Variants in ZNF638 observed in about 807,000 individuals in gnomAD.
ZNF638 encodes CTCL tumor antigen se33-1.
A neutral mutation model predicts 195.6 loss-of-function variants in ZNF638; 46 were observed. The observed-to-expected ratio is 0.24, with a 90% CI of 0.19 to 0.30. The LOEUF is 0.30. Ranked by LOEUF, ZNF638 falls within the 10% of genes least tolerant of loss-of-function variation. ZNF638 has a pLI of 1.00. For synonymous variants in ZNF638, 845 were observed against 772.0 expected (o/e 1.09, Z -1.57); for missense variants, 2,440 against 2,325.3 (o/e 1.05, Z -1.01).
intron 2 of ZNF638, among the ~76,000 whole-genome samples, chr2:71,355,124 A>G (rs899763812): frequency 3.3e-5 from 5 of 152,010 alleles, no homozygotes; most frequent in African/African-American, 1.2e-4. Context: ...GCCCGCCACA[A>G]CGCCTGGCTA....
intron 1 of ZNF638, among the ~76,000 whole-genome samples, chr2:71,332,205 G>T (rs1176898984): frequency 2.0e-5 from 3 of 152,234 alleles, no homozygotes; most frequent in African/African-American, 7.2e-5. Flanking sequence ...GCCCTTTGGC[G>T]AGGCCGAGGC....
At chr2:71,378,267 A>G (rs778604751) in intron 8 of ZNF638, among the ~76,000 whole-genome samples, 3 of 152,242 alleles carry the variant, frequency 2.0e-5, no homozygotes, top group African/African-American at 7.2e-5. Flanking sequence ...TAAATGTTTC[A>G]ACTTATACAT....
At chr2:71,367,685 C>T (rs1203029029) in intron 6 of ZNF638, among the ~76,000 whole-genome samples, 1 of 151,496 alleles carries the variant, frequency 6.6e-6, no homozygotes, top group Non-Finnish European at 1.5e-5. Flanking sequence ...GTGATCTATC[C>T]ACCTTGGTCT....
Position 71,365,777 on chromosome 2 carries a change from T to G in ZNF638, c.1995+71T>G. ...TGTCATCCTCGCTGGACTGCAGTGG[T>G]GCAACAAGCATGGCTCACTGCAGCC... On this transcript the variant is annotated intron_variant, in intron 6 of 27. Coordinates refer to ENST00000264447, the MANE Select transcript of ZNF638 (RefSeq NM_014497.5). The G allele has an allele frequency of 1.1e-5, 15 of 1,400,766 alleles. No homozygotes were observed. The South Asian group carries it at 2.1e-4, about 19-fold the overall frequency. 86.8% of individuals were successfully genotyped at this position (1,400,766 alleles called of 1,614,324 possible).
rs914394631 is a variant in ZNF638 at position 71,409,308 on chromosome 2, AT to A, written c.3261+1063del. ...AAAATGAGTTAATAATCAACTCTATATTATCTTCTCTTCAACACTTACTGTT... is the reference window on the plus strand; with the variant it reads ...AAAATGAGTTAATAATCAACTCTATATATCTTCTCTTCAACACTTACTGTT... On this transcript the variant is annotated intron_variant, in intron 20 of 27. Transcript: ENST00000264447. Among the ~76,000 whole-genome samples, 21 of 152,280 alleles carry A rather than the reference AT, an allele frequency of 1.4e-4. No individual in the cohort carries two copies. The East Asian group carries it at 3.9e-3, about 28-fold the overall frequency.
intron 2 of ZNF638, among the ~76,000 whole-genome samples, chr2:71,351,817 C>T (rs1190350261): frequency 6.6e-6 from 1 of 152,080 alleles, no homozygotes. Flanking sequence ...ACATTTAAAA[C>T]AATTAGAAGA....
intron 20 of ZNF638, 106 bp downstream of exon 20, chr2:71,408,353 T>TGA: frequency 7.5e-7 from 1 of 1,341,456 alleles, no homozygotes; most frequent in Non-Finnish European, 9.9e-7. Context: ...AGATGATTTT[T>TGA]ATAATTTGTG....
At chr2:71,350,421 A>G (rs1411408325) in intron 2 of ZNF638, 150 bp downstream of exon 2, 2 of 835,958 alleles carry the variant, frequency 2.4e-6, no homozygotes, top group Admixed American at 5.0e-5. Context: ...TGTAATCTTA[A>G]GTAGCCCTGG....
In ZNF638 at chr2:71,400,385, C is replaced by T. The variant is rs374076787; in HGVS notation, c.2657-93C>T. The T allele has an allele frequency of 2.9e-5, 37 of 1,262,608 alleles. No individual in the cohort carries two copies. In the East Asian group the frequency reaches 4.5e-4, roughly 15 times the overall value. 78.2% of individuals were successfully genotyped at this position (1,262,608 alleles called of 1,614,324 possible). ...AATTCTCTAGACTTGTTGTATTACA[C>T]GTTTTCATGTAGCTACTGTTTAACC... On this transcript the variant is annotated intron_variant, in intron 14 of 27. Coordinates refer to ENST00000264447, the MANE Select transcript of ZNF638 (RefSeq NM_014497.5).
chr2:71,355,235 C>T (rs150257626), intron 2 of ZNF638, among the ~76,000 whole-genome samples: 4,197 of 152,216 alleles, frequency 0.028, 200 homozygotes, highest in African/African-American at 0.093. Flanking sequence ...GGATTACAGG[C>T]GTGAGCCACT....
chr2:71,405,733 A>G, intron 18 of ZNF638, 91 bp downstream of exon 18: 1 of 934,474 alleles, frequency 1.1e-6, no homozygotes, highest in Non-Finnish European at 1.6e-6. Flanking sequence ...AAAACCTTAG[A>G]ACTAATTTTA....
At chr2:71,352,629 A>C (rs2078962421) in intron 2 of ZNF638, among the ~76,000 whole-genome samples, 2 of 152,044 alleles carry the variant, frequency 1.3e-5, no homozygotes, top group Admixed American at 1.3e-4. Context: ...AATAAGTACG[A>C]AAGGCTTTGA....
rs145012127 is a variant in ZNF638 at position 71,377,167 on chromosome 2, C to T, written c.2266-3055C>T. On this transcript the variant is annotated intron_variant, in intron 8 of 27. Coordinates refer to ENST00000264447, the MANE Select transcript of ZNF638 (RefSeq NM_014497.5). ...ACGCACCCAGCTGCTGGGTAGGGTG[C>T]GGTGGGAGGATCGCTTGAGCCTGGG... Among the ~76,000 whole-genome samples the T allele has an allele frequency of 2.4e-3, 362 of 151,920 alleles. 1 individual carries two copies. Among genetic ancestry groups the T allele is most frequent in the African/African-American group, 8.4e-3 (349 of 41,436 alleles).
At chr2:71,391,818 A>G (rs1419469827) in intron 10 of ZNF638, among the ~76,000 whole-genome samples, 3 of 152,220 alleles carry the variant, frequency 2.0e-5, no homozygotes, top group Admixed American at 2.0e-4. Context: ...CCAGGTATTT[A>G]ACCCCCGCAG....
intron 20 of ZNF638, among the ~76,000 whole-genome samples, chr2:71,417,120 A>G (rs1268936149): frequency 1.4e-5 from 2 of 144,962 alleles, no homozygotes; most frequent in Admixed American, 1.4e-4. Flanking sequence ...TGTGCTAGCA[A>G]TCAGCGAGAT....
intron 11 of ZNF638, among the ~76,000 whole-genome samples, chr2:71,397,564 A>C (rs749352016): frequency 4.6e-5 from 7 of 152,216 alleles, no homozygotes; most frequent in Non-Finnish European, 8.8e-5. Context: ...TTTGGCAATC[A>C]CCACCCTTAT....
chr2:71,362,740 A>G (rs2079130812), intron 3 of ZNF638, among the ~76,000 whole-genome samples: 1 of 152,178 alleles, frequency 6.6e-6, no homozygotes, highest in Non-Finnish European at 1.5e-5. Flanking sequence ...CAGTGGACAT[A>G]TCTTTATGAG....
intron 3 of ZNF638, among the ~76,000 whole-genome samples, chr2:71,357,364 C>G (rs951243727): frequency 5.3e-5 from 8 of 152,072 alleles, no homozygotes; most frequent in Non-Finnish European, 1.0e-4. Flanking sequence ...GGGTTACTAT[C>G]CTATATAGAT....
Position 71,364,159 on chromosome 2 carries a change from C to G in ZNF638, c.1624C>G (p.Pro542Ala). ...CAGATCCAGATCCAGATCCCGTTCA[C>G]CATATCGAATTAGAAATCCATTTAG... Reference protein sequence around the residue: ...RYRSRSRSRSPYRIRNPFRGS... With the variant: ...RYRSRSRSRSAYRIRNPFRGS... Residue 542 changes from proline (P) to alanine (A), a missense_variant, in exon 5 of 28, where the codon CCA (proline) becomes GCA (alanine). Pro to Ala is a conservative substitution (Grantham distance 27, BLOSUM62 -1). Coordinates refer to ENST00000264447, the MANE Select transcript of ZNF638 (RefSeq NM_014497.5). 1 of 1,614,142 alleles carries G rather than the reference C, an allele frequency of 6.2e-7. No individual in the cohort carries two copies. Among genetic ancestry groups the G allele is most frequent in the Non-Finnish European group, 8.5e-7 (1 of 1,180,022 alleles).
Sources: gnomAD v4.1 joint callset for allele counts (sites outside exome capture counted in the v4.1 genomes callset) on GRCh38, gnomAD v4.1.1 for gene constraint, MANE v1.5 for transcripts, NCBI Gene and HGNC (gene_info 2026-07-23, HGNC 2026-07-21) for gene names.